The following RASA3 variants were observed in gnomAD, a reference collection of about 807,000 sequenced individuals.
RASA3 encodes the protein RAS p21 protein activator 3.
Under a neutral mutation model 110.0 loss-of-function variants are expected in RASA3, and 73 were observed. The observed-to-expected ratio is 0.66, with a 90% CI of 0.55 to 0.81. The LOEUF (loss-of-function observed/expected upper bound fraction) is 0.81. Ranked by LOEUF, RASA3 falls within the 30% of genes least tolerant of loss-of-function variation. The pLI is 0.00. For synonymous variants in RASA3, 500 were observed against 451.4 expected (o/e 1.11, Z -1.37); for missense variants, 976 against 1,113.2 (o/e 0.88, Z 1.75).
At chr13:114,016,106 G>A (rs1325007522) in intron 13 of RASA3, 91 bp downstream of exon 13, 1 of 1,183,452 alleles carries the variant, frequency 8.4e-7, no homozygotes, top group Admixed American at 1.8e-5. Context: ...CCCAACCGGG[G>A]TCACGGGGTG....
chr13:114,103,530 G>A lies in RASA3; in HGVS notation c.55+28905C>T, dbSNP rs531042776. Among the ~76,000 whole-genome samples, 9 of 149,624 alleles carry A rather than the reference G, an allele frequency of 6.0e-5. No individual in the cohort carries two copies. The East Asian group carries it at 1.6e-3, about 26-fold the overall frequency. Reference sequence around the variant, plus strand: ...GGCTCAGCACCACCACCCCCGATGCGTCCACACTGCCACGGCCACAGACAC... The same window carrying A: ...GGCTCAGCACCACCACCCCCGATGCATCCACACTGCCACGGCCACAGACAC... On this transcript the variant is annotated intron_variant, in intron 1 of 23. Transcript: ENST00000334062.
At chr13:114,113,133 C>G (rs1221495815) in intron 1 of RASA3, among the ~76,000 whole-genome samples, 1 of 152,202 alleles carries the variant, frequency 6.6e-6, no homozygotes, top group Non-Finnish European at 1.5e-5. Flanking sequence ...AAGTCCAGAG[C>G]CCAACAGCTG....
intron 21 of RASA3, 97 bp from the exon 22 acceptor site, chr13:113,992,685 A>G (rs531240270): frequency 3.1e-6 from 3 of 954,116 alleles, no homozygotes; most frequent in African/African-American, 3.2e-5. Flanking sequence ...GAAGAAAGAC[A>G]ACGATTGTGT....
intron 18 of RASA3, among the ~76,000 whole-genome samples, chr13:114,003,835 A>G (rs2053456665): frequency 6.6e-6 from 1 of 152,236 alleles, no homozygotes; most frequent in South Asian, 2.1e-4. Flanking sequence ...GGCTCCAGGC[A>G]ATGGGGACAG....
At chr13:114,089,617 C>T (rs1246243866) in intron 1 of RASA3, among the ~76,000 whole-genome samples, 1 of 152,180 alleles carries the variant, frequency 6.6e-6, no homozygotes, top group Non-Finnish European at 1.5e-5. Flanking sequence ...CAGCCCTGCA[C>T]AGACATCAGC....
rs2079251875 is a variant in RASA3, at chr13:114,056,734, C to T, written c.174-4579G>A. 8 of 905,922 alleles carry T rather than the reference C, an allele frequency of 8.8e-6. No individual in the cohort carries two copies. Among genetic ancestry groups the T allele is most frequent in the Non-Finnish European group, 1.1e-5 (8 of 757,358 alleles). The allele number at this position is 905,922 out of a possible 1,614,324, so 56.1% of individuals were successfully genotyped here. ...ATTCAATAAAAAGAGATAAAAATAG[C>T]AGAAAGAGGAAGCTACAAGAAAACA... On this transcript the variant is annotated intron_variant, in intron 2 of 23. Coordinates refer to ENST00000334062, the MANE Select transcript of RASA3 (RefSeq NM_007368.4). The surrounding 1 kb of genome is among the most constrained non-coding windows in gnomAD (Gnocchi z 5.7).
At chr13:114,073,393 G>A (rs574874853) in intron 2 of RASA3, among the ~76,000 whole-genome samples, 293 of 141,990 alleles carry the variant, frequency 2.1e-3, no homozygotes, top group African/African-American at 6.2e-3. Flanking sequence ...GCGGGAAAAT[G>A]GGACGGTGAC....
chr13:114,004,437 G>A (rs938688303), intron 18 of RASA3, among the ~76,000 whole-genome samples: 2 of 151,966 alleles, frequency 1.3e-5, no homozygotes, highest in Admixed American at 1.3e-4. Flanking sequence ...TTTTTCAGAA[G>A]ACAAATGGCC....
At chr13:113,980,354 ATG>A (rs1186373538) in intron 23 of RASA3, among the ~76,000 whole-genome samples, 21 of 123,210 alleles carry the variant, frequency 1.7e-4, no homozygotes, top group African/African-American at 6.3e-4. Flanking sequence ...ACCTCCTGCC[ATG>A]TGTGTGCGCC....
chr13:114,119,512 T>G (rs1380779379), intron 1 of RASA3, among the ~76,000 whole-genome samples: 2 of 104,126 alleles, frequency 1.9e-5, no homozygotes, highest in Non-Finnish European at 4.4e-5. Context: ...CAGGCGTCGA[T>G]CAGTGCCCCC....
intron 8 of RASA3, among the ~76,000 whole-genome samples, chr13:114,022,779 A>G (rs947910451): frequency 2.0e-5 from 3 of 152,234 alleles, no homozygotes; most frequent in African/African-American, 7.2e-5. Flanking sequence ...TGCTTTTAAA[A>G]AATTTAATAA....
chr13:114,132,190 C>A (rs1229244611), intron 1 of RASA3, among the ~76,000 whole-genome samples: 1 of 152,180 alleles, frequency 6.6e-6, no homozygotes, highest in Non-Finnish European at 1.5e-5. Context: ...GGGGCCGCTC[C>A]GGGCGCAGAG....
intron 23 of RASA3, among the ~76,000 whole-genome samples, chr13:113,980,320 C>A (rs1346915902): frequency 7.0e-6 from 1 of 143,100 alleles, no homozygotes; most frequent in South Asian, 2.3e-4. Flanking sequence ...CCTCCTCCGT[C>A]TGTGCCTTCT....
At chr13:114,070,645 C>G (rs934673165) in intron 2 of RASA3, among the ~76,000 whole-genome samples, 1 of 151,566 alleles carries the variant, frequency 6.6e-6, no homozygotes, top group African/African-American at 2.4e-5. Flanking sequence ...CCGGCGTCCA[C>G]GCTAAACGGC....
rs972500866 is a variant in RASA3, at chr13:114,123,526, C to T, written c.55+8909G>A. ...ACGAACAGCCAGCCTGGGTCTATCGCGCCCAGTTCAGACCCGGGCTGCAGC... is the reference window on the plus strand; with the variant it reads ...ACGAACAGCCAGCCTGGGTCTATCGTGCCCAGTTCAGACCCGGGCTGCAGC... On this transcript the variant is annotated intron_variant, in intron 1 of 23. Transcript: ENST00000334062. 4.6e-5 allele frequency among the ~76,000 whole-genome samples: 7 copies of T among 152,230 alleles called. No individual in the cohort carries two copies. The East Asian group carries it at 7.7e-4, about 17-fold the overall frequency.
intron 1 of RASA3, among the ~76,000 whole-genome samples, chr13:114,117,765 TGA>T (rs1200936519): frequency 4.7e-5 from 4 of 85,340 alleles, no homozygotes; most frequent in African/African-American, 9.5e-5. Flanking sequence ...TGCACGTGTG[TGA>T]GAGCACGTGT....
At chr13:114,123,054 C>T (rs535330276) in intron 1 of RASA3, among the ~76,000 whole-genome samples, 7 of 152,352 alleles carry the variant, frequency 4.6e-5, no homozygotes, top group South Asian at 2.1e-4. Context: ...GACACACCTT[C>T]GGTGCGTGCC....
chr13:114,042,259 CCAT>C (rs67872263), intron 3 of RASA3, among the ~76,000 whole-genome samples: 20,731 of 152,262 alleles, frequency 0.14, 1,780 homozygotes, highest in Middle Eastern at 0.21. Context: ...CATGGCACCA[CCAT>C]GTCAACCCTG....
intron 2 of RASA3, among the ~76,000 whole-genome samples, chr13:114,053,302 A>G (rs2079185273): frequency 6.6e-6 from 1 of 152,216 alleles, no homozygotes; most frequent in African/African-American, 2.4e-5. Context: ...CACAACCCCA[A>G]TAAAGAAGCA....
Sources: allele counts gnomAD v4.1 joint callset (sites outside exome capture counted in the v4.1 genomes callset), GRCh38; gene constraint gnomAD v4.1.1; non-coding constraint Gnocchi (gnomAD v3.1); transcripts MANE v1.5; gene names NCBI Gene and HGNC (gene_info 2026-07-23, HGNC 2026-07-21).